The following DYSF variants were observed in gnomAD, a reference collection of about 807,000 sequenced individuals.
DYSF encodes dysferlin.
DYSF carries 212 observed loss-of-function variants against 274.9 expected under a neutral mutation model. That is an observed-to-expected ratio of 0.77 (90% CI 0.69 to 0.86). The LOEUF is 0.86. DYSF is among the 40% of genes least tolerant of loss of function. The pLI is 0.00. For synonymous variants in DYSF, 1,091 were observed against 1,078.7 expected (o/e 1.01, Z -0.22); for missense variants, 2,666 against 2,783.2 (o/e 0.96, Z 0.95).
At chr2:71,624,465 T>A (rs1451905894) in intron 41 of DYSF, among the ~76,000 whole-genome samples, 6 of 152,240 alleles carry the variant, frequency 3.9e-5, no homozygotes, top group Non-Finnish European at 8.8e-5. Flanking sequence ...TTAAAAGGCT[T>A]TTCAGGTGTA....
At chr2:71,643,654 A>G (rs72904628) in intron 41 of DYSF, among the ~76,000 whole-genome samples, 7,613 of 152,274 alleles carry the variant, frequency 0.05, 643 homozygotes, top group African/African-American at 0.17. Flanking sequence ...AACTACAAAG[A>G]TGCTTATGCC....
chr2:71,526,409 G>T, intron 13 of DYSF, 63 bp downstream of exon 13: 2 of 1,470,778 alleles, frequency 1.4e-6, no homozygotes, highest in South Asian at 1.1e-5. Flanking sequence ...GGCTGGTGGG[G>T]GTGGGCGATG....
chr2:71,624,904 A>G (rs2419414), intron 41 of DYSF, among the ~76,000 whole-genome samples: 5,062 of 152,222 alleles, frequency 0.033, 150 homozygotes, highest in Admixed American at 0.098. Context: ...TCTTCAATCA[A>G]TTTGGTAGCT....
chr2:71,562,501 TC>T (rs1233441877), intron 23 of DYSF, among the ~76,000 whole-genome samples: 1 of 152,104 alleles, frequency 6.6e-6, no homozygotes, highest in Non-Finnish European at 1.5e-5. Context: ...CTGCAGACCC[TC>T]CCCCTGAGGT....
rs77454784 is a variant in DYSF at position 71,514,502 on chromosome 2, T to C, written c.759+581T>C. Among the ~76,000 whole-genome samples, 42 of 152,364 alleles carry C rather than the reference T, an allele frequency of 2.8e-4. 1 individual carries two copies. In the East Asian group the frequency reaches 4.8e-3, roughly 17 times the overall value. On this transcript the variant is annotated intron_variant, in intron 7 of 55. Transcript: ENST00000410020. ...AAGCTCATCACAGAATAAAAGCTAT[T>C]AATATGAACACTTTGACACATTTTT...
chr2:71,684,838 C>T (rs904456660), intron 55 of DYSF, among the ~76,000 whole-genome samples: 20 of 152,226 alleles, frequency 1.3e-4, no homozygotes, highest in South Asian at 8.3e-4. Flanking sequence ...CTTGGCAAAT[C>T]CCTCCTGCTC....
intron 32 of DYSF, among the ~76,000 whole-genome samples, chr2:71,592,553 G>A (rs1328326322): frequency 3.3e-5 from 5 of 152,256 alleles, no homozygotes; most frequent in African/African-American, 4.8e-5. Flanking sequence ...GCTGGCGGCC[G>A]GAGGCTGTGC....
intron 1 of DYSF, among the ~76,000 whole-genome samples, chr2:71,476,297 A>G (rs1479035024): frequency 1.3e-5 from 2 of 152,114 alleles, no homozygotes; most frequent in South Asian, 2.1e-4. Flanking sequence ...CACACCTGTA[A>G]TCCCAGCATT....
At chr2:71,567,572 A>G (rs1038152340) in intron 24 of DYSF, among the ~76,000 whole-genome samples, 1 of 152,218 alleles carries the variant, frequency 6.6e-6, no homozygotes, top group Non-Finnish European at 1.5e-5. Flanking sequence ...GATATAAACC[A>G]TTTTCCTCAT....
intron 24 of DYSF, among the ~76,000 whole-genome samples, chr2:71,566,353 C>CAAAAAA (rs773800974): frequency 5.2e-4 from 26 of 49,704 alleles, no homozygotes; most frequent in East Asian, 8.3e-4. Context: ...TGGTTTCAAG[C>CAAAAAA]AAAAAAAAAA....
chr2:71,455,820 C>G (rs4852259), intron 1 of DYSF, among the ~76,000 whole-genome samples: 55,719 of 151,966 alleles, frequency 0.37, 10,663 homozygotes, highest in Admixed American at 0.5. Context: ...GGCTTCCACT[C>G]AGCCTGAACC....
intron 12 of DYSF, among the ~76,000 whole-genome samples, chr2:71,522,551 T>G (rs1479958112): frequency 1.3e-5 from 2 of 152,222 alleles, no homozygotes; most frequent in Admixed American, 1.3e-4. Flanking sequence ...TCCCTTGCTG[T>G]GTCCTGCCCG....
Position 71,667,605 on chromosome 2 carries a change from G to T in DYSF, c.5457+90G>T. The T allele has an allele frequency of 1.9e-6, 3 of 1,565,418 alleles. No homozygotes were observed. In the South Asian group the frequency reaches 3.4e-5, roughly 18 times the overall value. On this transcript the variant is annotated intron_variant, in intron 48 of 55. Coordinates refer to ENST00000410020, the MANE Select transcript of DYSF (RefSeq NM_001130987.2). ...CATGGATATCCCAGAGGAGCCAGTGGGTCCCTTGAGATTTGGTCAATCCTT... is the reference window on the plus strand; with the variant it reads ...CATGGATATCCCAGAGGAGCCAGTGTGTCCCTTGAGATTTGGTCAATCCTT...
chr2:71,596,615 T>A (rs1163056174), intron 32 of DYSF, among the ~76,000 whole-genome samples: 2 of 151,948 alleles, frequency 1.3e-5, no homozygotes, highest in Non-Finnish European at 2.9e-5. Context: ...CCCTGCCAGG[T>A]CCAGTGCATG....
rs752233688 is a variant in DYSF, at chr2:71,570,588, C to T, written c.3086-11C>T. On this transcript the variant is annotated splice_polypyrimidine_tract_variant and intron_variant, in intron 28 of 55. Transcript: ENST00000410020. ...TGCCAAGCAATGAGTGACCGGTTCC[C>T]CCTCCCCCAGGCTGGGAGTATAGCA... 1.2e-6 allele frequency: 2 copies of T among 1,613,118 alleles called. No homozygotes were observed. The highest frequency in any genetic ancestry group is 2.2e-5 in the East Asian group (1 of 44,834).
chr2:71,465,301 G>A (rs549970647), upstream of DYSF, among the ~76,000 whole-genome samples: 3 of 152,138 alleles, frequency 2.0e-5, no homozygotes, highest in South Asian at 2.1e-4. Flanking sequence ...GTAGGAACAG[G>A]AGAGAACTCA....
At position 71,528,364 on chromosome 2, in the gene DYSF, T is replaced by C. The variant is rs942200789; in HGVS notation, c.1343T>C (p.Val448Ala). The change falls in exon 14 of 56, where the codon GTG (valine) becomes GCG (alanine). Residue 448 changes from valine (V) to alanine (A), a missense_variant. Physicochemically the swap from Val to Ala is moderately conservative, Grantham distance 64. This residue lies in a region of DYSF where 794 missense variants were observed against 777.1 expected (regional missense o/e 1.02). Transcript: ENST00000410020. Reference protein sequence around the residue: ...FGFESNKKNLVDPFVEVSFAG... With the variant: ...FGFESNKKNLADPFVEVSFAG... ...TTCGAGAGTAACAAGAAGAACTTGGTGGACCCCTTTGTGGAGGTCAGCTTT... is the reference window on the plus strand; with the variant it reads ...TTCGAGAGTAACAAGAAGAACTTGGCGGACCCCTTTGTGGAGGTCAGCTTT... The C allele has an allele frequency of 6.2e-7, 1 of 1,614,190 alleles. No individual in the cohort carries two copies. Among genetic ancestry groups the C allele is most frequent in the African/African-American group, 1.3e-5 (1 of 75,068 alleles).
At chr2:71,617,540 G>T (rs1407608720) in intron 40 of DYSF, among the ~76,000 whole-genome samples, 1 of 151,998 alleles carries the variant, frequency 6.6e-6, no homozygotes, top group Admixed American at 6.6e-5. Flanking sequence ...TGGCAAAGGG[G>T]TACGTGTGTG....
At position 71,528,406 on chromosome 2, in the gene DYSF, G is replaced by A. The variant is rs946026432; in HGVS notation, c.1380+5G>A. On this transcript the variant is annotated splice_donor_5th_base_variant and intron_variant, in intron 14 of 55. Transcript: ENST00000410020. ...GTCAGCTTTGCGGGGAAAATGGTAA[G>A]GAGCAAGGGAGCAGGAGGGTTCTCT... 3 of 1,611,628 alleles carry A rather than the reference G, an allele frequency of 1.9e-6. No homozygotes were observed. The highest frequency in any genetic ancestry group is 1.1e-5 in the South Asian group (1 of 90,782).
Sources: gnomAD v4.1 joint callset for allele counts (sites outside exome capture counted in the v4.1 genomes callset) on GRCh38, gnomAD v4.1.1 for gene constraint, gnomAD v4.1.1 regional missense constraint, MANE v1.5 for transcripts, NCBI Gene and HGNC (gene_info 2026-07-23, HGNC 2026-07-21) for gene names.